Variants in CNGB3 observed in about 807,000 individuals in gnomAD.
CNGB3 encodes the protein cyclic nucleotide-gated channel beta-3.
CNGB3 carries 86 observed loss-of-function variants against 92.8 expected under a neutral mutation model. The observed-to-expected ratio is 0.93, with a 90% CI of 0.78 to 1.11. The LOEUF is 1.11. CNGB3 is among the 50% of genes least tolerant of loss of function. The probability of loss-of-function intolerance (pLI) is 0.00; values close to 1 mark genes in which losing one functional copy is unlikely to be tolerated. For synonymous variants in CNGB3, 333 were observed against 332.7 expected (o/e 1.00, Z -0.01); for missense variants, 1,026 against 956.8 (o/e 1.07, Z -0.95).
At chr8:86,589,327 T>C (rs1821970976) in intron 15 of CNGB3, among the ~76,000 whole-genome samples, 1 of 150,530 alleles carries the variant, frequency 6.6e-6, no homozygotes, top group African/African-American at 2.5e-5. Flanking sequence ...GTTTTTTGTG[T>C]CTCTATTTCC....
intron 3 of CNGB3, among the ~76,000 whole-genome samples, chr8:86,687,613 G>A (rs1824214931): frequency 1.3e-5 from 2 of 152,002 alleles, no homozygotes; most frequent in African/African-American, 4.8e-5. Context: ...CTAGACAGAG[G>A]TGGCAGTTGC....
At position 86,586,581 on chromosome 8, in the gene CNGB3, G is replaced by A. The variant is rs935867759; in HGVS notation, c.1782-7329C>T. ...AATTCCCACCTATGAGTGAGAATAT[G>A]CGGTGTTTGGTTTTTTGTTCTTGCG... is the stretch of plus-strand genomic sequence containing the variant. On this transcript the variant is annotated intron_variant, in intron 15 of 17. Transcript: ENST00000320005. 2.0e-5 allele frequency among the ~76,000 whole-genome samples: 3 copies of A among 149,224 alleles called. No individual in the cohort carries two copies. In the Admixed American group the frequency reaches 2.0e-4, roughly 10 times the overall value.
At chr8:86,690,920 C>G (rs1354329695) in intron 3 of CNGB3, among the ~76,000 whole-genome samples, 1 of 152,032 alleles carries the variant, frequency 6.6e-6, no homozygotes, top group African/African-American at 2.4e-5. Flanking sequence ...TGATCTATAT[C>G]TCTGTTTTGG....
intron 10 of CNGB3, among the ~76,000 whole-genome samples, chr8:86,635,213 T>C (rs953875706): frequency 6.6e-6 from 1 of 152,166 alleles, no homozygotes; most frequent in African/African-American, 2.4e-5. Context: ...AATTTCCTAT[T>C]ACCTGATTTA....
chr8:86,694,763 C>G (rs1476913563), intron 3 of CNGB3, among the ~76,000 whole-genome samples: 1 of 151,842 alleles, frequency 6.6e-6, no homozygotes, highest in Non-Finnish European at 1.5e-5. Flanking sequence ...AGAGGCGCTC[C>G]TCACTTCCTA....
At chr8:86,603,470 T>G (rs960519751) in intron 15 of CNGB3, among the ~76,000 whole-genome samples, 1 of 152,216 alleles carries the variant, frequency 6.6e-6, no homozygotes, top group Non-Finnish European at 1.5e-5. Flanking sequence ...TAGGATAAAC[T>G]TTTCCTGGCC....
At chr8:86,596,916 T>C (rs1290643968) in intron 15 of CNGB3, among the ~76,000 whole-genome samples, 1 of 151,518 alleles carries the variant, frequency 6.6e-6, no homozygotes, top group East Asian at 1.9e-4. Flanking sequence ...CTCAGCAAAC[T>C]ATCACAAGGA....
chr8:86,630,036 C>T (rs1057303199), intron 11 of CNGB3, among the ~76,000 whole-genome samples: 5 of 152,128 alleles, frequency 3.3e-5, no homozygotes, highest in African/African-American at 1.2e-4. Context: ...TGGAGTCTAG[C>T]TCAAATGGCT....
chr8:86,660,338 G>A, intron 6 of CNGB3: 1 of 372,274 alleles, frequency 2.7e-6, no homozygotes, highest in Non-Finnish European at 5.3e-6. Flanking sequence ...CACGATCCTG[G>A]CAACCACTGC....
chr8:86,681,346 T>G (rs560255288), intron 3 of CNGB3, among the ~76,000 whole-genome samples: 37 of 152,250 alleles, frequency 2.4e-4, no homozygotes, highest in African/African-American at 8.9e-4. Flanking sequence ...AACTGCCGAA[T>G]GAACACAACA....
intron 14 of CNGB3, among the ~76,000 whole-genome samples, chr8:86,605,072 A>T (rs1416346554): frequency 6.6e-6 from 1 of 152,164 alleles, no homozygotes; most frequent in Non-Finnish European, 1.5e-5. Flanking sequence ...TGGAGAGAAA[A>T]ATGCATCCAT....
chr8:86,716,619 T>C (rs1824858001), intron 3 of CNGB3, among the ~76,000 whole-genome samples: 1 of 152,150 alleles, frequency 6.6e-6, no homozygotes, highest in East Asian at 1.9e-4. Context: ...CCAGTGAAAC[T>C]AAGCATCATG....
At chr8:86,580,367 G>A (rs1821740171) in intron 15 of CNGB3, among the ~76,000 whole-genome samples, 1 of 152,172 alleles carries the variant, frequency 6.6e-6, no homozygotes, top group African/African-American at 2.4e-5. Flanking sequence ...CTTTATTAAA[G>A]TTTACTCAAT....
At chr8:86,670,474 C>A (rs978140948) in intron 4 of CNGB3, among the ~76,000 whole-genome samples, 4 of 152,262 alleles carry the variant, frequency 2.6e-5, no homozygotes, top group African/African-American at 7.2e-5. Flanking sequence ...CAGCACCAAC[C>A]AGTTTCCTCC....
intron 2 of CNGB3, among the ~76,000 whole-genome samples, chr8:86,729,517 C>G (rs560633858): frequency 6.6e-6 from 1 of 152,124 alleles, no homozygotes; most frequent in Non-Finnish European, 1.5e-5. Context: ...TTAATTTCAG[C>G]CTAATTTGAT....
rs1314356844 is a variant in CNGB3 at position 86,645,314 on chromosome 8, A to T, written c.991-628T>A. Among the ~76,000 whole-genome samples the T allele has an allele frequency of 2.0e-5, 3 of 150,620 alleles. No individual in the cohort carries two copies. In the East Asian group the frequency reaches 5.8e-4, roughly 29 times the overall value. Reference sequence around the variant, plus strand: ...ACCTTTTCTGCCTGCATGCACTCCTACTTCCTACTTCCTACTTCCTACTTC... The same window carrying T: ...ACCTTTTCTGCCTGCATGCACTCCTTCTTCCTACTTCCTACTTCCTACTTC... On this transcript the variant is annotated intron_variant, in intron 8 of 17. Transcript: ENST00000320005.
chr8:86,598,845 T>A (rs909407215), intron 15 of CNGB3, among the ~76,000 whole-genome samples: 19 of 152,182 alleles, frequency 1.2e-4, no homozygotes, highest in Admixed American at 1.2e-3. Flanking sequence ...TTGAGATCCT[T>A]AACTTAATTA....
chr8:86,656,873 A>G (rs1823518317), intron 6 of CNGB3, among the ~76,000 whole-genome samples: 1 of 152,086 alleles, frequency 6.6e-6, no homozygotes, highest in East Asian at 1.9e-4. Context: ...CCAAATAATT[A>G]CTAGAACCTC....
chr8:86,660,210 C>T lies in CNGB3; in HGVS notation c.853-6148G>A, dbSNP rs114757210. 2,250 of 308,952 alleles carry T rather than the reference C, an allele frequency of 7.3e-3. 93 individuals carry two copies. Among genetic ancestry groups the T allele is most frequent in the African/African-American group, 0.046 (2,087 of 45,322 alleles). The allele number at this position is 308,952 out of a possible 1,614,324, so 19.1% of individuals were successfully genotyped here. A position where few individuals can be genotyped will look rare whatever the true frequency, so the allele number is the denominator to read the frequency against. The stretch of plus-strand genomic sequence containing the variant: ...CTCCTTTTTTGCTCTTGTACCTACA[C>T]CAGAGTTGTTTGTATGCTGATATTC... On this transcript the variant is annotated intron_variant, in intron 6 of 17. Coordinates refer to ENST00000320005, the MANE Select transcript of CNGB3 (RefSeq NM_019098.5).
Sources: allele counts gnomAD v4.1 joint callset (sites outside exome capture counted in the v4.1 genomes callset), GRCh38; gene constraint gnomAD v4.1.1; transcripts MANE v1.5; gene names NCBI Gene and HGNC (gene_info 2026-07-23, HGNC 2026-07-21).